Variants in PDE4B observed in about 807,000 individuals in gnomAD.
The protein encoded by PDE4B is phosphodiesterase 4B.
PDE4B carries 20 observed loss-of-function variants against 82.2 expected under a neutral mutation model. That is an observed-to-expected ratio of 0.24 (90% CI 0.17 to 0.35). The LOEUF is 0.35. Among genes scored for constraint, PDE4B ranks in the 10% least tolerant of loss-of-function variants. The pLI, the probability that PDE4B is intolerant of heterozygous loss-of-function variation, is 1.00. For missense variants in PDE4B, 655 were observed against 907.2 expected, an observed-to-expected ratio of 0.72 and a Z score of 3.57; for synonymous variants, 320 against 318.9, an observed-to-expected ratio of 1.00 and a Z score of -0.04.
chr1:65,917,822 C>G (rs1293336232), intron 2 of PDE4B, among the ~76,000 whole-genome samples: 1 of 152,178 alleles, frequency 6.6e-6, no homozygotes, highest in Non-Finnish European at 1.5e-5. Context: ...ACAGTCACCT[C>G]TAATTATCAA....
intron 4 of PDE4B, among the ~76,000 whole-genome samples, chr1:66,249,566 G>C (rs1185933865): frequency 6.6e-6 from 1 of 152,068 alleles, no homozygotes; most frequent in African/African-American, 2.4e-5. Flanking sequence ...ATCTACGGCA[G>C]TCAAAAAAGA....
chr1:65,815,750 T>G (rs1645875532), intron 1 of PDE4B, among the ~76,000 whole-genome samples: 1 of 152,182 alleles, frequency 6.6e-6, no homozygotes, highest in Non-Finnish European at 1.5e-5. Flanking sequence ...TCTTATTAAA[T>G]AAAATGCACT....
chr1:66,250,668 G>A (rs1361868025), intron 4 of PDE4B, among the ~76,000 whole-genome samples: 2 of 152,198 alleles, frequency 1.3e-5, no homozygotes, highest in African/African-American at 2.4e-5. Context: ...CAGTTCCTGT[G>A]TTGTAGTCAT....
intron 7 of PDE4B, among the ~76,000 whole-genome samples, chr1:66,281,749 A>T (rs923677816): frequency 5.3e-5 from 8 of 152,190 alleles, no homozygotes; most frequent in African/African-American, 1.7e-4. Flanking sequence ...TAAGTATCAG[A>T]TTTTCTATTA....
At chr1:66,086,031 G>C (rs1044944545) in intron 3 of PDE4B, among the ~76,000 whole-genome samples, 3 of 152,072 alleles carry the variant, frequency 2.0e-5, no homozygotes, top group African/African-American at 7.2e-5. Flanking sequence ...AGGCTTTTGT[G>C]ATAGGAAACC....
At position 66,022,213 on chromosome 1, in the gene PDE4B, G is replaced by A. The variant is rs569607989; in HGVS notation, c.281+103378G>A. Among the ~76,000 whole-genome samples the A allele has an allele frequency of 5.6e-3, 856 of 152,328 alleles. 3 individuals are homozygous for A. Among genetic ancestry groups the A allele is most frequent in the Non-Finnish European group, 8.5e-3 (580 of 68,024 alleles). On this transcript the variant is annotated intron_variant, in intron 3 of 16. Coordinates refer to ENST00000341517, the MANE Select transcript of PDE4B (RefSeq NM_002600.4). ...TCAGCTTAAGGAGATTTTGGGCTGA[G>A]ACGATGGGGTTTTCTAAATATACAA... is the stretch of plus-strand genomic sequence containing the variant.
chr1:66,200,471 C>T lies in PDE4B; in HGVS notation c.282-46989C>T, dbSNP rs185066140. ...ATTTTCACGATATTGATTCTTCCTA[C>T]GCGTGAGCATGGAATGTTCTTCCAT... On this transcript the variant is annotated intron_variant, in intron 3 of 16. Transcript: ENST00000341517. Among the ~76,000 whole-genome samples the T allele has an allele frequency of 3.3e-3, 497 of 152,282 alleles. 2 individuals carry two copies. The highest frequency in any genetic ancestry group is 0.011 in the African/African-American group (453 of 41,548).
chr1:66,363,129 T>C (rs1384768670), intron 10 of PDE4B, 39 bp from the exon 11 acceptor site: 8 of 1,415,182 alleles, frequency 5.7e-6, no homozygotes, highest in Non-Finnish European at 5.0e-6. Context: ...TTAGCACAAC[T>C]TTCCTTATTC....
intron 1 of PDE4B, among the ~76,000 whole-genome samples, chr1:65,860,302 G>T (rs962596675): frequency 6.6e-6 from 1 of 152,158 alleles, no homozygotes; most frequent in African/African-American, 2.4e-5. Context: ...GCAGTGTTTA[G>T]TTTTCTGTTC....
intron 1 of PDE4B, among the ~76,000 whole-genome samples, chr1:65,871,602 T>C (rs1646573845): frequency 6.6e-6 from 1 of 152,238 alleles, no homozygotes; most frequent in Admixed American, 6.5e-5. Context: ...ACTTTATTTT[T>C]ATTTCTAACT....
Position 66,121,291 on chromosome 1 carries a change from A to T in PDE4B, c.282-126169A>T, listed in dbSNP as rs184129545. 2.1e-3 allele frequency among the ~76,000 whole-genome samples: 318 copies of T among 152,298 alleles called. 1 individual carries two copies. Among genetic ancestry groups the T allele is most frequent in the Admixed American group, 2.3e-3 (35 of 15,290 alleles). ...TTGCAGTGGTAATGGGGGACATTTT[A>T]GCTGAGACTTGGAAAAATGGTAGAA... On this transcript the variant is annotated intron_variant, in intron 3 of 16. Transcript: ENST00000341517.
intron 1 of PDE4B, among the ~76,000 whole-genome samples, chr1:65,818,418 T>G (rs532241811): frequency 9.2e-5 from 14 of 152,240 alleles, no homozygotes; most frequent in African/African-American, 2.9e-4. Flanking sequence ...TTCTTCCTAT[T>G]GTCCCTGTCT....
intron 1 of PDE4B, among the ~76,000 whole-genome samples, chr1:65,892,123 G>T (rs2100389126): frequency 6.6e-6 from 1 of 152,168 alleles, no homozygotes; most frequent in African/African-American, 2.4e-5. Context: ...ATAGATTACA[G>T]AATTCTAGAG....
At position 66,134,182 on chromosome 1, in the gene PDE4B, A is replaced by G. The variant is rs181322753; in HGVS notation, c.282-113278A>G. 4.5e-3 allele frequency among the ~76,000 whole-genome samples: 689 copies of G among 152,338 alleles called. 10 individuals carry two copies. Among genetic ancestry groups the G allele is most frequent in the Non-Finnish European group, 3.6e-3 (242 of 68,026 alleles). On this transcript the variant is annotated intron_variant, in intron 3 of 16. Transcript: ENST00000341517. ...CCAGAACCATGCTGGCTTCCTAGGGAAAACATACTCTGATTCAGCCAGAGA... is the reference window on the plus strand; with the variant it reads ...CCAGAACCATGCTGGCTTCCTAGGGGAAACATACTCTGATTCAGCCAGAGA...
chr1:65,896,918 G>T lies in PDE4B; in HGVS notation c.-70-16327G>T, dbSNP rs544594661. Among the ~76,000 whole-genome samples, 5 of 152,148 alleles carry T rather than the reference G, an allele frequency of 3.3e-5. No individual in the cohort carries two copies. In the East Asian group the frequency reaches 9.7e-4, roughly 29 times the overall value. The stretch of plus-strand genomic sequence containing the variant: ...CAAAAGCAGAGTTATGTAAGGTATT[G>T]TTATTTCTATTGTGTTTTTTAAAAG... On this transcript the variant is annotated intron_variant, in intron 1 of 16. Coordinates refer to ENST00000341517, the MANE Select transcript of PDE4B (RefSeq NM_002600.4).
At chr1:66,075,265 G>A (rs1048042906) in intron 3 of PDE4B, among the ~76,000 whole-genome samples, 1 of 151,876 alleles carries the variant, frequency 6.6e-6, no homozygotes, top group Admixed American at 6.6e-5. Flanking sequence ...CCCAATTTTG[G>A]GGTTCACCTG....
rs1370973341 is a variant in PDE4B, at chr1:66,034,712, A to G, written c.281+115877A>G. Among the ~76,000 whole-genome samples, 3 of 152,132 alleles carry G rather than the reference A, an allele frequency of 2.0e-5. 1 individual carries two copies. In the South Asian group the frequency reaches 6.2e-4, roughly 32 times the overall value. On this transcript the variant is annotated intron_variant, in intron 3 of 16. Transcript: ENST00000341517. ...ACCTCACTTTTCTGTTCAGAACCCT[A>G]GCATGTCTAGGAACTTACATTGCAT...
intron 3 of PDE4B, among the ~76,000 whole-genome samples, chr1:66,022,635 C>G (rs1387582988): frequency 6.6e-6 from 1 of 152,156 alleles, no homozygotes; most frequent in Admixed American, 6.5e-5. Context: ...GCTGAACTAG[C>G]CTTGCATCCC....
intron 1 of PDE4B, among the ~76,000 whole-genome samples, chr1:65,855,376 C>A (rs1195419087): frequency 6.6e-6 from 1 of 152,054 alleles, no homozygotes; most frequent in Admixed American, 6.6e-5. Flanking sequence ...TTAACTGCAG[C>A]TTAGTTTGAT....
Sources: allele counts gnomAD v4.1 joint callset (sites outside exome capture counted in the v4.1 genomes callset), GRCh38; gene constraint gnomAD v4.1.1; transcripts MANE v1.5; gene names NCBI Gene and HGNC (gene_info 2026-07-23, HGNC 2026-07-21).